Variants in FYB2 observed in about 807,000 individuals in gnomAD.
FYB2 encodes the protein FYN-binding protein 2.
Under a neutral mutation model 94.1 loss-of-function variants are expected in FYB2, and 103 were observed. That is an observed-to-expected ratio of 1.09 (90% CI 0.93 to 1.29). The LOEUF is 1.29. FYB2 is among the 50% of genes most tolerant of loss of function. FYB2 has a pLI of 0.00. For synonymous variants in FYB2, 293 were observed against 287.9 expected (o/e 1.02, Z -0.18); for missense variants, 896 against 841.5 (o/e 1.06, Z -0.80).
intron 1 of FYB2, among the ~76,000 whole-genome samples, chr1:56,809,678 T>A (rs1334638470): frequency 6.6e-6 from 1 of 152,200 alleles, no homozygotes; most frequent in Non-Finnish European, 1.5e-5. Context: ...CTGTCCCTGC[T>A]CCATTGCAGT....
Position 56,740,697 on chromosome 1 carries a change from C to T in FYB2, c.1703G>A (p.Ser568Asn). 1 of 1,572,260 alleles carries T rather than the reference C, an allele frequency of 6.4e-7. No individual in the cohort carries two copies. Among genetic ancestry groups the T allele is most frequent in the South Asian group, 1.1e-5 (1 of 88,576 alleles). ...AAAGGGATTTAAAGGGACTTTTTAC[C>T]TTAAGTTTTCTTTCGACTTGGTTTT... Reference protein sequence around the residue: ...IKKTKSKENLSAFSILLPDLE... With the variant: ...IKKTKSKENLNAFSILLPDLE... The change falls in exon 13 of 20, where the codon AGT (serine) becomes AAT (asparagine). Residue 568 changes from serine (S) to asparagine (N), a missense_variant and splice_region_variant. Transcript: ENST00000343433.
intron 4 of FYB2, 56 bp downstream of exon 4, chr1:56,787,119 C>CT: frequency 1.9e-6 from 3 of 1,593,142 alleles, no homozygotes; most frequent in Non-Finnish European, 2.6e-6. Flanking sequence ...CTGGAGCAGT[C>CT]TAAGTAGCCT....
upstream of FYB2, among the ~76,000 whole-genome samples, chr1:56,821,642 CTCTT>C (rs1371049684): frequency 6.6e-6 from 1 of 152,214 alleles, no homozygotes; most frequent in Non-Finnish European, 1.5e-5. Flanking sequence ...GTCAGTTCCT[CTCTT>C]TCTTTCCCCT....
At chr1:56,770,405 G>T (rs1645726454) in intron 4 of FYB2, among the ~76,000 whole-genome samples, 1 of 152,068 alleles carries the variant, frequency 6.6e-6, no homozygotes, top group Non-Finnish European at 1.5e-5. Context: ...AAGAGGAAAA[G>T]CTACGCTACT....
Position 56,805,584 on chromosome 1 carries a change from T to C in FYB2, c.10-12781A>G, listed in dbSNP as rs1338074985. Among the ~76,000 whole-genome samples, 3 of 152,124 alleles carry C rather than the reference T, an allele frequency of 2.0e-5. No homozygotes were observed. The East Asian group carries it at 5.8e-4, about 29-fold the overall frequency. On this transcript the variant is annotated intron_variant, in intron 1 of 19. Transcript: ENST00000343433. ...ATAGCAAATGGGTGCTAAGCCAAGATCTGAACCCAGCCCTGACACCAAAGC... is the reference window on the plus strand; with the variant it reads ...ATAGCAAATGGGTGCTAAGCCAAGACCTGAACCCAGCCCTGACACCAAAGC...
At chr1:56,746,304 A>G (rs781090726) in intron 9 of FYB2, among the ~76,000 whole-genome samples, 1 of 151,986 alleles carries the variant, frequency 6.6e-6, no homozygotes, top group Non-Finnish European at 1.5e-5. Context: ...AATTTAGTGC[A>G]TTACATTTAT....
intron 15 of FYB2, among the ~76,000 whole-genome samples, chr1:56,732,548 C>G (rs1459796231): frequency 6.6e-6 from 1 of 152,088 alleles, no homozygotes; most frequent in African/African-American, 2.4e-5. Flanking sequence ...AAGAACAAAT[C>G]TGTATAAAGC....
Position 56,740,572 on chromosome 1 carries a change from G to A in FYB2, c.1703+125C>T, listed in dbSNP as rs1644928634. On this transcript the variant is annotated intron_variant, in intron 13 of 19. Coordinates refer to ENST00000343433, the MANE Select transcript of FYB2 (RefSeq NM_001004303.5). ...AATTCACAAGAAAGGGGCAGATGAT[G>A]GCCAGACCCTTGGTTTTAGTTTCTG... 1.0e-4 allele frequency: 54 copies of A among 542,286 alleles called. 1 individual carries two copies. In the South Asian group the frequency reaches 1.4e-3, roughly 14 times the overall value. The allele number at this position is 542,286 out of a possible 1,614,324, so 33.6% of individuals were successfully genotyped here.
At chr1:56,778,533 T>A (rs750707650) in intron 4 of FYB2, among the ~76,000 whole-genome samples, 6 of 152,162 alleles carry the variant, frequency 3.9e-5, no homozygotes, top group Non-Finnish European at 7.3e-5. Flanking sequence ...CATCATTAAT[T>A]TTTGTCATTG....
In FYB2 at chr1:56,740,789, A is replaced by G; in HGVS notation, c.1611T>C (p.Asp537=). Residue 537 remains aspartate (D), a synonymous_variant, in exon 13 of 20, where the codon GAT becomes GAC. Coordinates refer to ENST00000343433, the MANE Select transcript of FYB2 (RefSeq NM_001004303.5). ...GCAGTCTTTTGAGTGCTTCTTTTCCATCTAAACTGAGAGGAATCACAGGAT... is the reference window on the plus strand; with the variant it reads ...GCAGTCTTTTGAGTGCTTCTTTTCCGTCTAAACTGAGAGGAATCACAGGAT... ...TKNNYPKIDL[D]GKEALKRLQQ... The G allele has an allele frequency of 6.3e-7, 1 of 1,594,512 alleles. No individual in the cohort carries two copies. The highest frequency in any genetic ancestry group is 8.6e-7 in the Non-Finnish European group (1 of 1,166,306).
chr1:56,751,807 G>A (rs1645205738), intron 8 of FYB2, among the ~76,000 whole-genome samples: 1 of 151,976 alleles, frequency 6.6e-6, no homozygotes, highest in South Asian at 2.1e-4. Context: ...TTAACACATT[G>A]GTCTTGGAGA....
chr1:56,817,512 T>G (rs889533660), intron 1 of FYB2, among the ~76,000 whole-genome samples: 1 of 152,204 alleles, frequency 6.6e-6, no homozygotes, highest in African/African-American at 2.4e-5. Context: ...ATATAGATTT[T>G]TTTGTCTTCT....
intron 1 of FYB2, among the ~76,000 whole-genome samples, chr1:56,807,429 A>G (rs905681455): frequency 6.6e-6 from 1 of 152,200 alleles, no homozygotes; most frequent in Non-Finnish European, 1.5e-5. Context: ...TACAGGTGTT[A>G]GATGTTTTTG....
At chr1:56,763,921 T>C (rs774747817) in intron 5 of FYB2, among the ~76,000 whole-genome samples, 2 of 152,076 alleles carry the variant, frequency 1.3e-5, no homozygotes, top group Non-Finnish European at 2.9e-5. Context: ...TAGATTTGCT[T>C]GGTTTCTTGA....
intron 4 of FYB2, among the ~76,000 whole-genome samples, chr1:56,769,734 G>A (rs1416719062): frequency 1.3e-5 from 2 of 151,996 alleles, no homozygotes; most frequent in Non-Finnish European, 2.9e-5. Flanking sequence ...AGGGAAAAAT[G>A]CAATGAGAAA....
chr1:56,765,232 T>TG (rs1329743202), intron 5 of FYB2, among the ~76,000 whole-genome samples: 2 of 152,080 alleles, frequency 1.3e-5, no homozygotes, highest in African/African-American at 4.8e-5. Context: ...AAGGAGAGGG[T>TG]GGCCTTCTTA....
rs533700786 is a variant in FYB2, at chr1:56,786,648, G to A, written c.953+527C>T. 1.2e-4 allele frequency among the ~76,000 whole-genome samples: 18 copies of A among 152,272 alleles called. 1 individual carries two copies. The South Asian group carries it at 3.7e-3, about 32-fold the overall frequency. On this transcript the variant is annotated intron_variant, in intron 4 of 19. Transcript: ENST00000343433. Reference sequence around the variant, plus strand: ...CTTGAGCTGTAAAATGTGAGCGGCAGCAGCAACTGTGCAGCCCTCTTGAGA... The same window carrying A: ...CTTGAGCTGTAAAATGTGAGCGGCAACAGCAACTGTGCAGCCCTCTTGAGA...
At chr1:56,725,165 C>T (rs573882204) in intron 16 of FYB2, among the ~76,000 whole-genome samples, 68 of 152,112 alleles carry the variant, frequency 4.5e-4, no homozygotes, top group African/African-American at 1.6e-3. Context: ...CTAAATAAAC[C>T]TCTTTTCTTT....
At chr1:56,749,511 A>G (rs1278435859) in intron 9 of FYB2, among the ~76,000 whole-genome samples, 2 of 151,990 alleles carry the variant, frequency 1.3e-5, no homozygotes, top group African/African-American at 2.4e-5. Flanking sequence ...CATTTTATCA[A>G]TTTATCAATT....
Sources: gnomAD v4.1 joint callset for allele counts (sites outside exome capture counted in the v4.1 genomes callset) on GRCh38, gnomAD v4.1.1 for gene constraint, MANE v1.5 for transcripts, NCBI Gene and HGNC (gene_info 2026-07-23, HGNC 2026-07-21) for gene names.